Variants in STXBP5L observed in about 807,000 individuals in gnomAD.
STXBP5L encodes the protein syntaxin binding protein 5L.
Under a neutral mutation model 144.5 loss-of-function variants are expected in STXBP5L, and 65 were observed. The observed-to-expected ratio is 0.45, with a 90% confidence interval of 0.37 to 0.55. The LOEUF (loss-of-function observed/expected upper bound fraction) is 0.55. Ranked by LOEUF, STXBP5L falls within the 20% of genes least tolerant of loss-of-function variation. The probability of loss-of-function intolerance (pLI) is 0.00; values close to 1 mark genes in which losing one functional copy is unlikely to be tolerated. For synonymous variants in STXBP5L, 505 were observed against 469.6 expected (o/e 1.08, Z -0.97); for missense variants, 1,298 against 1,405.5 (o/e 0.92, Z 1.22).
At chr3:120,912,461 A>G (rs962826750) in intron 2 of STXBP5L, among the ~76,000 whole-genome samples, 7 of 151,924 alleles carry the variant, frequency 4.6e-5, no homozygotes, top group Admixed American at 6.6e-5. Flanking sequence ...AACTTTTTAT[A>G]TTTGTTTTTT....
chr3:121,316,153 T>TA (rs2043780332), intron 19 of STXBP5L, among the ~76,000 whole-genome samples: 1 of 152,214 alleles, frequency 6.6e-6, no homozygotes, highest in Admixed American at 6.5e-5. Flanking sequence ...ATAATGATTG[T>TA]TCTGAATAAC....
At chr3:121,273,037 AT>A (rs1231700716) in intron 18 of STXBP5L, among the ~76,000 whole-genome samples, 5 of 152,096 alleles carry the variant, frequency 3.3e-5, no homozygotes, top group South Asian at 2.1e-4. Context: ...CTTAAAGTTG[AT>A]TTATACACCA....
intron 4 of STXBP5L, among the ~76,000 whole-genome samples, chr3:121,043,810 G>A (rs947980769): frequency 9.9e-5 from 15 of 152,164 alleles, no homozygotes; most frequent in Admixed American, 5.9e-4. Context: ...TAATAACATT[G>A]CCTTTGGCAT....
intron 3 of STXBP5L, among the ~76,000 whole-genome samples, chr3:121,025,562 T>A (rs191349194): frequency 5.9e-5 from 9 of 152,200 alleles, no homozygotes; most frequent in African/African-American, 1.9e-4. Flanking sequence ...GTTTTACTGT[T>A]CCATATATTT....
intron 24 of STXBP5L, among the ~76,000 whole-genome samples, chr3:121,414,599 T>C (rs184571960): frequency 6.6e-6 from 1 of 152,308 alleles, no homozygotes; most frequent in Admixed American, 6.5e-5. Context: ...GTTGACTGAA[T>C]GGTTGGGCAT....
intron 5 of STXBP5L, among the ~76,000 whole-genome samples, chr3:121,060,443 T>A (rs1418801731): frequency 6.6e-6 from 1 of 152,070 alleles, no homozygotes; most frequent in Non-Finnish European, 1.5e-5. Flanking sequence ...CCTTGTTTGT[T>A]GTGTCTCTGC....
Position 120,909,710 on chromosome 3 carries a change from G to C in STXBP5L, c.132G>C (p.Gly44=), listed in dbSNP as rs773204715. ...SGSVHPAGTA[G]VLREEIQETL... is the part of the protein sequence containing the mutation. Reference sequence around the variant, plus strand: ...CCGTACATCCGGCGGGGACTGCAGGGGTTCTCAGAGAGGAAATTCAGGAAA... The same window carrying C: ...CCGTACATCCGGCGGGGACTGCAGGCGTTCTCAGAGAGGAAATTCAGGAAA... Residue 44 remains glycine, a synonymous_variant, in exon 2 of 27, where the codon GGG becomes GGC. Coordinates refer to ENST00000471454, the MANE Select transcript of STXBP5L (RefSeq NM_001308330.2). 1.2e-6 allele frequency: 2 copies of C among 1,611,242 alleles called. No homozygotes were observed. Among genetic ancestry groups the C allele is most frequent in the African/African-American group, 2.7e-5 (2 of 74,608 alleles).
chr3:121,157,536 C>T lies in STXBP5L; in HGVS notation c.786C>T (p.Gly262=), dbSNP rs971492568. 15 of 1,592,026 alleles carry T rather than the reference C, an allele frequency of 9.4e-6. No individual in the cohort carries two copies. The highest frequency in any genetic ancestry group is 1.8e-5 in the Admixed American group (1 of 55,244). The change falls in exon 9 of 27, where the codon GGC becomes GGT. Residue 262 remains glycine (G), a synonymous_variant. Coordinates refer to ENST00000471454, the MANE Select transcript of STXBP5L (RefSeq NM_001308330.2). ...ATTCAATTGATTGGCATCATGAGGGCAAACAGTTCATGTGCAGCCATTCAG... is the reference window on the plus strand; with the variant it reads ...ATTCAATTGATTGGCATCATGAGGGTAAACAGTTCATGTGCAGCCATTCAG... The part of the protein sequence containing the change: ...AIHSIDWHHE[G]KQFMCSHSDG...
intron 3 of STXBP5L, among the ~76,000 whole-genome samples, chr3:120,964,307 T>G (rs556903494): frequency 1.3e-5 from 2 of 152,302 alleles, no homozygotes; most frequent in African/African-American, 4.8e-5. Context: ...ATTTCTTGCC[T>G]TCTGCTAGCT....
At chr3:121,338,179 A>G (rs1559990192) in intron 20 of STXBP5L, among the ~76,000 whole-genome samples, 1 of 152,132 alleles carries the variant, frequency 6.6e-6, no homozygotes, top group Non-Finnish European at 1.5e-5. Flanking sequence ...ACCCAAAGCT[A>G]CCAGAATAAA....
At chr3:121,407,907 T>C (rs1185640332) in intron 23 of STXBP5L, among the ~76,000 whole-genome samples, 2 of 151,870 alleles carry the variant, frequency 1.3e-5, no homozygotes, top group African/African-American at 2.4e-5. Flanking sequence ...ATTGAGCATA[T>C]CTCCCAGATG....
intron 3 of STXBP5L, among the ~76,000 whole-genome samples, chr3:121,037,026 A>C (rs1017047462): frequency 1.3e-5 from 2 of 152,000 alleles, no homozygotes; most frequent in African/African-American, 4.8e-5. Flanking sequence ...TCCTGGGCTC[A>C]GGCAATCCTC....
chr3:121,260,075 A>G (rs2050335755), intron 18 of STXBP5L, among the ~76,000 whole-genome samples: 1 of 152,098 alleles, frequency 6.6e-6, no homozygotes, highest in South Asian at 2.1e-4. Context: ...AATGTTTAGA[A>G]TGTCTACTTT....
At chr3:121,196,573 C>G (rs1045419134) in intron 9 of STXBP5L, among the ~76,000 whole-genome samples, 3 of 151,954 alleles carry the variant, frequency 2.0e-5, no homozygotes, top group African/African-American at 7.2e-5. Flanking sequence ...ATCTTTATTT[C>G]CTTTTTTCTG....
At chr3:121,096,761 C>T (rs113204177) in intron 5 of STXBP5L, among the ~76,000 whole-genome samples, 105 of 152,270 alleles carry the variant, frequency 6.9e-4, no homozygotes, top group African/African-American at 2.3e-3. Context: ...CCAGAGCTCT[C>T]CTGTATGAGG....
intron 5 of STXBP5L, among the ~76,000 whole-genome samples, chr3:121,064,644 C>G (rs935619417): frequency 2.0e-5 from 3 of 152,160 alleles, no homozygotes; most frequent in Non-Finnish European, 4.4e-5. Flanking sequence ...TGCTTAGAGT[C>G]TTTGCTTTCT....
At chr3:121,019,774 A>G in intron 3 of STXBP5L, among the ~76,000 whole-genome samples, 1 of 152,200 alleles carries the variant, frequency 6.6e-6, no homozygotes, top group East Asian at 1.9e-4. Context: ...TCTGAACAGC[A>G]GCCCTTGAGT....
At chr3:121,388,095 T>G (rs2046474035) in intron 22 of STXBP5L, among the ~76,000 whole-genome samples, 1 of 152,220 alleles carries the variant, frequency 6.6e-6, no homozygotes, top group South Asian at 2.1e-4. Context: ...TGATTTGTAG[T>G]TCTCCTTGAA....
intron 3 of STXBP5L, 27 bp from the exon 4 acceptor site, chr3:121,041,673 T>G (rs753024055): frequency 6.5e-7 from 1 of 1,545,868 alleles, no homozygotes; most frequent in African/African-American, 1.4e-5. Flanking sequence ...ATTAAAATGT[T>G]AGAATCCTTG....
Sources: gnomAD v4.1 joint callset for allele counts (sites outside exome capture counted in the v4.1 genomes callset) on GRCh38, gnomAD v4.1.1 for gene constraint, MANE v1.5 for transcripts, NCBI Gene and HGNC (gene_info 2026-07-23, HGNC 2026-07-21) for gene names.